HDAC9: variants seen among roughly 807,000 people sequenced by gnomAD.
HDAC9 encodes MEF-2 interacting transcription repressor (MITR) protein.
Under a neutral mutation model 139.4 loss-of-function variants are expected in HDAC9, and 41 were observed. The ratio of observed to expected loss-of-function variants is 0.29; its 90% CI spans 0.23 to 0.38. The LOEUF is 0.38. Ranked by LOEUF, HDAC9 falls within the 10% of genes least tolerant of loss-of-function variation. HDAC9 has a pLI of 1.00. For missense variants in HDAC9, 1,147 were observed against 1,297.0 expected (o/e 0.88, Z 1.78); for synonymous variants, 517 against 476.2 (o/e 1.09, Z -1.12).
chr7:18,992,537 TA>T (rs1166199842), intron 25 of HDAC9, among the ~76,000 whole-genome samples: 5 of 152,190 alleles, frequency 3.3e-5, no homozygotes, highest in Admixed American at 3.3e-4. Context: ...GGAGTAGAAG[TA>T]AGAAATAAGA....
At chr7:18,130,921 A>G (rs1001683213) in intron 1 of HDAC9, among the ~76,000 whole-genome samples, 1 of 152,100 alleles carries the variant, frequency 6.6e-6, no homozygotes, top group African/African-American at 2.4e-5. Flanking sequence ...GCAATGTCCA[A>G]ACTTCGAAGA....
chr7:18,774,724 C>A (rs1484126659), intron 16 of HDAC9, among the ~76,000 whole-genome samples: 1 of 152,036 alleles, frequency 6.6e-6, no homozygotes, highest in Non-Finnish European at 1.5e-5. Context: ...TCTGTCTAGA[C>A]CACTCAAACT....
intron 12 of HDAC9, among the ~76,000 whole-genome samples, chr7:18,716,107 A>C (rs547802978): frequency 1.3e-5 from 2 of 152,358 alleles, no homozygotes; most frequent in East Asian, 3.9e-4. Context: ...TATTCAAACG[A>C]AACCTCTTTT....
chr7:18,480,076 A>G (rs1373071842), intron 1 of HDAC9, among the ~76,000 whole-genome samples: 3 of 149,660 alleles, frequency 2.0e-5, no homozygotes, highest in Non-Finnish European at 4.4e-5. Flanking sequence ...CTGCCAACGA[A>G]CTTTTTAGAA....
At chr7:18,355,818 T>C (rs769800475) in intron 1 of HDAC9, among the ~76,000 whole-genome samples, 18 of 152,188 alleles carry the variant, frequency 1.2e-4, no homozygotes, top group Non-Finnish European at 2.6e-4. Flanking sequence ...TGTCATGTTA[T>C]GAAGCATTTA....
At chr7:18,979,194 T>A (rs977709758) in intron 25 of HDAC9, among the ~76,000 whole-genome samples, 1 of 152,154 alleles carries the variant, frequency 6.6e-6, no homozygotes, top group Non-Finnish European at 1.5e-5. Context: ...TGGGTAACTA[T>A]CTAGTTTGTG....
intron 1 of HDAC9, among the ~76,000 whole-genome samples, chr7:18,344,118 C>A (rs1782221587): frequency 6.6e-6 from 1 of 151,748 alleles, no homozygotes; most frequent in South Asian, 2.1e-4. Flanking sequence ...TATTCAGTTT[C>A]TTAGCACATG....
intron 1 of HDAC9, among the ~76,000 whole-genome samples, chr7:18,160,431 A>G (rs774526586): frequency 5.3e-5 from 8 of 152,154 alleles, no homozygotes; most frequent in Admixed American, 1.3e-4. Context: ...TTTAACTTTT[A>G]TTTTATTTAC....
At chr7:18,667,930 C>T in intron 12 of HDAC9, 1 of 981,034 alleles carries the variant, frequency 1.0e-6, no homozygotes, top group Non-Finnish European at 1.2e-6. Flanking sequence ...ATGGATAATC[C>T]AAATTGACCT....
At chr7:18,857,338 T>TGTGTGTGTGTGG (rs1797763454) in intron 21 of HDAC9, among the ~76,000 whole-genome samples, 1 of 148,772 alleles carries the variant, frequency 6.7e-6, no homozygotes, top group Non-Finnish European at 1.5e-5. Flanking sequence ...GTTTTAGTTG[T>TGTGTGTGTGTGG]GTGTGTGTGT....
chr7:18,927,903 T>C (rs1419944311), intron 22 of HDAC9, among the ~76,000 whole-genome samples: 1 of 152,178 alleles, frequency 6.6e-6, no homozygotes, highest in Non-Finnish European at 1.5e-5. Context: ...ACTAGAGGCT[T>C]TCCTCAATAG....
chr7:18,810,344 A>G (rs571047074), intron 17 of HDAC9, among the ~76,000 whole-genome samples: 2 of 152,006 alleles, frequency 1.3e-5, no homozygotes, highest in Non-Finnish European at 2.9e-5. Flanking sequence ...CTTTTTTGCT[A>G]TTTAAGGTAA....
At chr7:18,886,465 C>G (rs1800160760) in intron 22 of HDAC9, among the ~76,000 whole-genome samples, 1 of 152,160 alleles carries the variant, frequency 6.6e-6, no homozygotes. Flanking sequence ...TATACTTTTT[C>G]ATATTTTGAC....
intron 1 of HDAC9, among the ~76,000 whole-genome samples, chr7:18,102,372 G>T (rs1782909177): frequency 6.6e-6 from 1 of 152,100 alleles, no homozygotes; most frequent in Admixed American, 6.5e-5. Context: ...AGTTACTTTA[G>T]AATTCTTAGG....
At chr7:18,513,172 C>T (rs961677822) in intron 2 of HDAC9, among the ~76,000 whole-genome samples, 3 of 152,044 alleles carry the variant, frequency 2.0e-5, no homozygotes, top group Admixed American at 6.6e-5. Context: ...TTCTGCAAAG[C>T]CTATGTATTG....
chr7:18,451,698 C>T (rs914284072), intron 1 of HDAC9, among the ~76,000 whole-genome samples: 28 of 151,406 alleles, frequency 1.8e-4, no homozygotes, highest in Non-Finnish European at 2.4e-4. Context: ...AGAGGTGCTT[C>T]GGCGGGGGTT....
At chr7:18,150,077 G>GT (rs11422484) in intron 1 of HDAC9, among the ~76,000 whole-genome samples, 80,007 of 142,776 alleles carry the variant, frequency 0.56, 22,591 homozygotes, top group Non-Finnish European at 0.63. Flanking sequence ...CTTTATTAGG[G>GT]TTTTTTTTTT....
intron 1 of HDAC9, among the ~76,000 whole-genome samples, chr7:18,113,184 A>G (rs1343774165): frequency 6.6e-6 from 1 of 152,210 alleles, no homozygotes; most frequent in Non-Finnish European, 1.5e-5. Context: ...GTAATTTAAG[A>G]AATAAGAAGG....
intron 1 of HDAC9, among the ~76,000 whole-genome samples, chr7:18,105,931 G>C (rs925507232): frequency 6.6e-6 from 1 of 152,144 alleles, no homozygotes; most frequent in Non-Finnish European, 1.5e-5. Flanking sequence ...TGCTACACCT[G>C]GGTGAACCTT....
Sources: allele counts gnomAD v4.1 joint callset (sites outside exome capture counted in the v4.1 genomes callset), GRCh38; gene constraint gnomAD v4.1.1; transcripts MANE v1.5; gene names NCBI Gene and HGNC (gene_info 2026-07-23, HGNC 2026-07-21).